The following NRCAM variants were observed in gnomAD, a reference collection of about 807,000 sequenced individuals.
The protein encoded by NRCAM is neuronal cell adhesion molecule, also known as NgCAM-related cell adhesion molecule.
In NRCAM, 83 loss-of-function variants were observed where a neutral mutation model predicts 156.5. The ratio of observed to expected loss-of-function variants is 0.53; its 90% CI spans 0.44 to 0.64. NRCAM has a LOEUF of 0.64. Ranked by LOEUF, NRCAM falls within the 30% of genes least tolerant of loss-of-function variation. The pLI, the probability that NRCAM is intolerant of heterozygous loss-of-function variation, is 0.00. For synonymous variants in NRCAM, 538 were observed against 563.9 expected (o/e 0.95, Z 0.65); for missense variants, 1,417 against 1,597.3 (o/e 0.89, Z 1.92).
chr7:108,315,136 A>C (rs946167998), intron 2 of NRCAM, among the ~76,000 whole-genome samples: 2 of 152,192 alleles, frequency 1.3e-5, no homozygotes, highest in Non-Finnish European at 2.9e-5. Context: ...ACAAGTATGT[A>C]TTTGTGCAAC....
chr7:108,273,052 C>G (rs752218823), intron 3 of NRCAM, among the ~76,000 whole-genome samples: 11 of 152,162 alleles, frequency 7.2e-5, no homozygotes, highest in Non-Finnish European at 1.3e-4. Flanking sequence ...CCAGCTTCAT[C>G]CATGTCCCTA....
chr7:108,238,722 C>A (rs1453787558), intron 4 of NRCAM, among the ~76,000 whole-genome samples: 8 of 152,140 alleles, frequency 5.3e-5, no homozygotes, highest in Non-Finnish European at 1.2e-4. Context: ...CTTACTTAGG[C>A]ATTCCCACTC....
At chr7:108,260,149 T>G (rs751619663) in intron 3 of NRCAM, among the ~76,000 whole-genome samples, 4 of 152,146 alleles carry the variant, frequency 2.6e-5, no homozygotes, top group Non-Finnish European at 4.4e-5. Context: ...CTATTCCGTT[T>G]CTCAAACCAT....
Position 108,418,023 on chromosome 7 carries a change from G to A in NRCAM, c.-331-18430C>T, listed in dbSNP as rs576329505. Among the ~76,000 whole-genome samples the A allele has an allele frequency of 7.2e-5, 11 of 152,234 alleles. No homozygotes were observed. In the South Asian group the frequency reaches 2.3e-3, roughly 32 times the overall value. On this transcript the variant is annotated intron_variant, in intron 1 of 32. Coordinates refer to ENST00000379028, the MANE Select transcript of NRCAM (RefSeq NM_001037132.4). Reference sequence around the variant, plus strand: ...GGGATGCACCCTGACTTCAGCAGAAGAATAAAAGCATGGAGCTCTGGAAAC... The same window carrying A: ...GGGATGCACCCTGACTTCAGCAGAAAAATAAAAGCATGGAGCTCTGGAAAC...
intron 2 of NRCAM, among the ~76,000 whole-genome samples, chr7:108,321,288 C>A (rs1245256209): frequency 6.6e-6 from 1 of 152,106 alleles, no homozygotes; most frequent in Admixed American, 6.5e-5. Flanking sequence ...AAAGTAATAC[C>A]TGAGATTGCT....
At chr7:108,195,415 C>T (rs377725355) in intron 15 of NRCAM, among the ~76,000 whole-genome samples, 2 of 151,450 alleles carry the variant, frequency 1.3e-5, no homozygotes, top group South Asian at 2.1e-4. Flanking sequence ...TCTGAGGTTA[C>T]GAGTTTGAGA....
At chr7:108,233,545 T>C (rs927558922) in intron 6 of NRCAM, among the ~76,000 whole-genome samples, 1 of 152,186 alleles carries the variant, frequency 6.6e-6, no homozygotes, top group Non-Finnish European at 1.5e-5. Flanking sequence ...AAGGCATTAA[T>C]TGTGAAACTG....
chr7:108,163,359 T>C (rs1053913868), intron 30 of NRCAM, among the ~76,000 whole-genome samples: 2 of 152,190 alleles, frequency 1.3e-5, no homozygotes, highest in Non-Finnish European at 2.9e-5. Flanking sequence ...AGGAGGTCTC[T>C]GAGGAAAATG....
intron 2 of NRCAM, among the ~76,000 whole-genome samples, chr7:108,379,647 C>T (rs1310794149): frequency 6.6e-6 from 1 of 151,034 alleles, no homozygotes; most frequent in Non-Finnish European, 1.5e-5. Context: ...TTTTTAATCA[C>T]AAAGGATAAG....
chr7:108,273,064 A>C (rs957751456), intron 3 of NRCAM, among the ~76,000 whole-genome samples: 1 of 152,202 alleles, frequency 6.6e-6, no homozygotes, highest in Admixed American at 6.5e-5. Context: ...ATGTCCCTAC[A>C]AAGGACATGA....
chr7:108,368,108 G>C (rs562953738), intron 2 of NRCAM, among the ~76,000 whole-genome samples: 1 of 152,050 alleles, frequency 6.6e-6, no homozygotes, highest in Non-Finnish European at 1.5e-5. Flanking sequence ...TAATAGGATT[G>C]TTATTTTTAT....
At chr7:108,317,319 C>T (rs1331441872) in intron 2 of NRCAM, among the ~76,000 whole-genome samples, 1 of 152,070 alleles carries the variant, frequency 6.6e-6, no homozygotes, top group African/African-American at 2.4e-5. Flanking sequence ...TTTTCTATGT[C>T]TATAATCTAG....
At chr7:108,247,424 T>G (rs1001174768) in intron 3 of NRCAM, among the ~76,000 whole-genome samples, 1 of 152,164 alleles carries the variant, frequency 6.6e-6, no homozygotes, top group African/African-American at 2.4e-5. Flanking sequence ...AAAACTAATC[T>G]ATCCTTTTTG....
chr7:108,187,498 T>C (rs897620277), intron 20 of NRCAM, among the ~76,000 whole-genome samples: 3 of 152,222 alleles, frequency 2.0e-5, no homozygotes, highest in Admixed American at 2.0e-4. Flanking sequence ...TAGTGTGGCC[T>C]TTCCTATTCA....
intron 3 of NRCAM, among the ~76,000 whole-genome samples, chr7:108,258,720 T>C (rs2153981287): frequency 6.6e-6 from 1 of 152,290 alleles, no homozygotes; most frequent in African/African-American, 2.4e-5. Flanking sequence ...AAATATGGAA[T>C]GAGCATAGCG....
chr7:108,161,882 C>T (rs995445992), intron 30 of NRCAM, among the ~76,000 whole-genome samples: 2 of 146,720 alleles, frequency 1.4e-5, no homozygotes, highest in African/African-American at 5.3e-5. Context: ...AATAGGCCCT[C>T]GTGCCTTATT....
intron 2 of NRCAM, among the ~76,000 whole-genome samples, chr7:108,353,405 T>C (rs1410274412): frequency 6.6e-6 from 1 of 152,146 alleles, no homozygotes; most frequent in Non-Finnish European, 1.5e-5. Flanking sequence ...CAGGCTGGAA[T>C]GCAGTGGTGT....
chr7:108,419,491 G>C (rs933935223), intron 1 of NRCAM, among the ~76,000 whole-genome samples: 1 of 152,082 alleles, frequency 6.6e-6, no homozygotes, highest in Non-Finnish European at 1.5e-5. Context: ...ATCAAATGTT[G>C]CTCTTCCCAT....
intron 11 of NRCAM, among the ~76,000 whole-genome samples, chr7:108,223,298 C>A (rs894226748): frequency 1.3e-5 from 2 of 152,138 alleles, no homozygotes; most frequent in African/African-American, 4.8e-5. Context: ...GCTCTGTAGA[C>A]CTCTTGACAA....
Sources: allele counts gnomAD v4.1 joint callset (sites outside exome capture counted in the v4.1 genomes callset), GRCh38; gene constraint gnomAD v4.1.1; transcripts MANE v1.5; gene names NCBI Gene and HGNC (gene_info 2026-07-23, HGNC 2026-07-21).